KDM5A: variants seen among roughly 807,000 people sequenced by gnomAD.
KDM5A encodes lysine-specific demethylase 5A.
In KDM5A, 42 loss-of-function variants were observed where a neutral mutation model predicts 193.5. That is an observed-to-expected ratio of 0.22 (90% CI 0.17 to 0.28). The LOEUF (loss-of-function observed/expected upper bound fraction) is 0.28. KDM5A is among the 10% of genes least tolerant of loss of function. The pLI is 1.00. For synonymous variants in KDM5A, 796 were observed against 718.1 expected (o/e 1.11, Z -1.73); for missense variants, 1,692 against 2,055.1 (o/e 0.82, Z 3.42).
rs542014812 is a variant in KDM5A at position 384,297 on chromosome 12, C to T, written c.244-144G>A. 25 of 687,872 alleles carry T rather than the reference C, an allele frequency of 3.6e-5. No homozygotes were observed. The East Asian group carries it at 5.2e-4, about 14-fold the overall frequency. The allele number at this position is 687,872 out of a possible 1,614,324, so 42.6% of individuals were successfully genotyped here. A position where few individuals can be genotyped will look rare whatever the true frequency, so the allele number is the denominator to read the frequency against. On this transcript the variant is annotated intron_variant, in intron 2 of 27. Coordinates refer to ENST00000399788, the MANE Select transcript of KDM5A (RefSeq NM_001042603.3). The stretch of plus-strand genomic sequence containing the variant: ...CAGCCACACAGCAGGAGGTGAGCAG[C>T]GGCAGTGGGCAACCAACCGGGCAAG...
In KDM5A at chr12:318,448, T is replaced by C; in HGVS notation, c.2555A>G (p.Asp852Gly). ...QARQVKNLLD[D>G]VEEFHERAQE... is the part of the protein sequence containing the mutation. ...AGCACGTTCATGAAACTCTTCCACA[T>C]CATCTAGCAGATTCTGAAAAGGTCA... Residue 852 changes from aspartate (D) to glycine (G), a missense_variant, in exon 19 of 28, where the codon GAT (aspartate) becomes GGT (glycine). Transcript: ENST00000399788. The C allele has an allele frequency of 6.2e-7, 1 of 1,612,314 alleles. No individual in the cohort carries two copies. The highest frequency in any genetic ancestry group is 8.5e-7 in the Non-Finnish European group (1 of 1,178,364).
Position 307,374 on chromosome 12 carries a change from T to A in KDM5A, c.3930+80A>T. Reference sequence around the variant, plus strand: ...AAGTTACTGTTATTTTCCTAATCAATTGGTAAGACAGACTCAATTTACTAT... The same window carrying A: ...AAGTTACTGTTATTTTCCTAATCAAATGGTAAGACAGACTCAATTTACTAT... On this transcript the variant is annotated intron_variant, in intron 23 of 27. Transcript: ENST00000399788. The surrounding 1 kb of genome is among the most constrained non-coding windows in gnomAD (Gnocchi z 4.3). 4 of 1,428,382 alleles carry A rather than the reference T, an allele frequency of 2.8e-6. No individual in the cohort carries two copies. The highest frequency in any genetic ancestry group is 3.9e-6 in the Non-Finnish European group (4 of 1,015,446). The allele number at this position is 1,428,382 out of a possible 1,614,324, so 88.5% of individuals were successfully genotyped here.
At chr12:380,742 G>C (rs997454181) in intron 3 of KDM5A, among the ~76,000 whole-genome samples, 2 of 151,758 alleles carry the variant, frequency 1.3e-5, no homozygotes, top group Non-Finnish European at 2.9e-5. Context: ...AGTAGAAAGA[G>C]CTTCATTAAA....
intron 12 of KDM5A, 48 bp downstream of exon 12, chr12:333,439 A>G (rs1186178996): frequency 6.2e-7 from 1 of 1,600,150 alleles, no homozygotes; most frequent in Non-Finnish European, 8.6e-7. Context: ...AAAAAAGAAA[A>G]AACAAACAAA....
chr12:383,563 A>G (rs1311775576), intron 3 of KDM5A, among the ~76,000 whole-genome samples: 4 of 152,110 alleles, frequency 2.6e-5, no homozygotes, highest in African/African-American at 9.7e-5. Context: ...AGCTCAACAC[A>G]GAACATTGTA....
chr12:305,531 G>A lies in KDM5A; in HGVS notation c.4074+1415C>T, dbSNP rs115720887. ...AAAAGATAGTGAAGGGGTAGGAACA[G>A]AATCTCCCCTTGTTCTCTGGAAGCA... On this transcript the variant is annotated intron_variant, in intron 24 of 27. Coordinates refer to ENST00000399788, the MANE Select transcript of KDM5A (RefSeq NM_001042603.3). 5.1e-3 allele frequency among the ~76,000 whole-genome samples: 774 copies of A among 152,294 alleles called. 4 individuals carry two copies. The highest frequency in any genetic ancestry group is 0.018 in the African/African-American group (737 of 41,566).
At chr12:287,497 CAAAAA>C (rs58615505) in intron 27 of KDM5A, among the ~76,000 whole-genome samples, 1 of 121,812 alleles carries the variant, frequency 8.2e-6, no homozygotes, top group East Asian at 2.4e-4. Context: ...AATCAGAGAC[CAAAAA>C]AAAAAAAAAG....
At chr12:314,353 G>A (rs1409412505) in intron 19 of KDM5A, among the ~76,000 whole-genome samples, 1 of 151,934 alleles carries the variant, frequency 6.6e-6, no homozygotes, top group Non-Finnish European at 1.5e-5. Context: ...GCGCCACCAC[G>A]CCCGGCTAAT....
rs114752297 is a variant in KDM5A, at chr12:294,819, C to T, written c.4455+754G>A. ...CTTAATTTTCCACCTCTCATACTTA[C>T]TTTCTTCATATGCAGAATGGGTAAA... On this transcript the variant is annotated intron_variant, in intron 26 of 27. Transcript: ENST00000399788. Among the ~76,000 whole-genome samples, 803 of 152,290 alleles carry T rather than the reference C, an allele frequency of 5.3e-3. 4 individuals are homozygous for T. Among genetic ancestry groups the T allele is most frequent in the African/African-American group, 0.016 (672 of 41,566 alleles).
chr12:309,074 G>A (rs900749705), intron 22 of KDM5A, among the ~76,000 whole-genome samples: 3 of 152,150 alleles, frequency 2.0e-5, no homozygotes, highest in Admixed American at 1.3e-4. Flanking sequence ...AAATTTAAAA[G>A]AAGGAAAAGG....
chr12:358,805 C>G (rs1944257548), intron 5 of KDM5A, among the ~76,000 whole-genome samples: 1 of 151,844 alleles, frequency 6.6e-6, no homozygotes, highest in Non-Finnish European at 1.5e-5. Context: ...AACCCTGCTT[C>G]TACTAAAAAT....
intron 14 of KDM5A, among the ~76,000 whole-genome samples, chr12:325,730 G>A (rs1469195236): frequency 1.3e-5 from 2 of 148,758 alleles, no homozygotes; most frequent in African/African-American, 2.5e-5. Flanking sequence ...TGAAGGAAAC[G>A]AGGCCAGGTG....
rs772928341 is a variant in KDM5A at position 333,508 on chromosome 12, C to T, written c.1632G>A (p.Val544=). The T allele has an allele frequency of 6.2e-6, 10 of 1,614,040 alleles. No individual in the cohort carries two copies. Among genetic ancestry groups the T allele is most frequent in the Non-Finnish European group, 6.8e-6 (8 of 1,180,034 alleles). ...TCACAGGCACACCATGCTCCATTAG[C>T]ACGTTGGGGTTCATGATGGTAACTA... ...HQLVTIMNPN[V]LMEHGVPVYR... is the part of the protein sequence containing the mutation. Residue 544 remains valine (V), a synonymous_variant, in exon 12 of 28, where the codon GTG becomes GTA. Coordinates refer to ENST00000399788, the MANE Select transcript of KDM5A (RefSeq NM_001042603.3).
chr12:328,848 G>A lies in KDM5A; in HGVS notation c.1955C>T (p.Ser652Phe). The A allele has an allele frequency of 3.7e-6, 6 of 1,613,914 alleles. No homozygotes were observed. Among genetic ancestry groups the A allele is most frequent in the Non-Finnish European group, 5.1e-6 (6 of 1,179,988 alleles). ...CAGCAAACTCACCATCTGTACAACA[G>A]ACTCTCTTAATCGTGTTTCTTCTTC... The part of the protein sequence containing the change: ...MTEEETRLRE[S>F]VVQMGVLMSE... The change falls in exon 14 of 28, where the codon TCT becomes TTT. Residue 652 changes from serine (S) to phenylalanine (F), a missense_variant. Ser to Phe is a radical substitution (Grantham distance 155). Around this residue, in one of 11 missense-constraint regions of KDM5A, gnomAD observed 88 missense variants for 124.6 expected, o/e 0.71. Transcript: ENST00000399788.
chr12:381,771 A>G (rs753999539), intron 3 of KDM5A, among the ~76,000 whole-genome samples: 3 of 151,850 alleles, frequency 2.0e-5, no homozygotes, highest in Non-Finnish European at 4.4e-5. Context: ...ACCTGACACT[A>G]ATTTTAAAAT....
chr12:364,081 A>C (rs1421978694), intron 4 of KDM5A, among the ~76,000 whole-genome samples: 1 of 152,242 alleles, frequency 6.6e-6, no homozygotes, highest in Non-Finnish European at 1.5e-5. Flanking sequence ...GACAATACCA[A>C]GTGTTGACCA....
rs576340976 is a variant in KDM5A, at chr12:389,259, A to G, written c.-168T>C. 3.1e-4 allele frequency: 232 copies of G among 753,314 alleles called. No individual in the cohort carries two copies. The African/African-American group carries it at 3.1e-3, about 10-fold the overall frequency. 46.7% of individuals were successfully genotyped at this position (753,314 alleles called of 1,614,324 possible). ...GAATCGCTTCCTCCTCCCGTTTGTT[A>G]TTGTTTCTTGCAAGGCTTTTCCACT... is the stretch of plus-strand genomic sequence containing the variant. On this transcript the variant is annotated 5_prime_UTR_variant, in exon 1 of 28. Coordinates refer to ENST00000399788, the MANE Select transcript of KDM5A (RefSeq NM_001042603.3).
At chr12:306,751 A>C in intron 24 of KDM5A, 195 bp downstream of exon 24, 1 of 618,486 alleles carries the variant, frequency 1.6e-6, no homozygotes, top group Non-Finnish European at 2.8e-6. Context: ...TCCAAAAAAA[A>C]AAAAAAAAAT....
Position 285,184 on chromosome 12 carries a change from T to G in KDM5A, c.*272A>C. On this transcript the variant is annotated 3_prime_UTR_variant, in exon 28 of 28. Coordinates refer to ENST00000399788, the MANE Select transcript of KDM5A (RefSeq NM_001042603.3). ...CTAACCAGCCACCCTAGAGCTCAAT[T>G]AAGCATCTGGCCTTAATGCAGTAAA... 1.9e-6 allele frequency: 1 copy of G among 529,472 alleles called. No individual in the cohort carries two copies. The highest frequency in any genetic ancestry group is 2.2e-5 in the South Asian group (1 of 45,242). The allele number at this position is 529,472 out of a possible 1,614,324, so 32.8% of individuals were successfully genotyped here.
Sources: gnomAD v4.1 joint callset for allele counts (sites outside exome capture counted in the v4.1 genomes callset) on GRCh38, gnomAD v4.1.1 for gene constraint, gnomAD v4.1.1 regional missense constraint, Gnocchi (gnomAD v3.1) non-coding constraint, MANE v1.5 for transcripts, NCBI Gene and HGNC (gene_info 2026-07-23, HGNC 2026-07-21) for gene names.